Variants in CYBB observed in about 807,000 individuals in gnomAD.
CYBB encodes the protein NADPH oxidase 2.
A neutral mutation model predicts 46.5 loss-of-function variants in CYBB; 5 were observed. The ratio of observed to expected loss-of-function variants is 0.11; its 90% confidence interval spans 0.06 to 0.23. The LOEUF is 0.23. Ranked by LOEUF, CYBB falls within the 10% of genes least tolerant of loss-of-function variation. The pLI, the probability that CYBB is intolerant of heterozygous loss-of-function variation, is 1.00. For missense variants in CYBB, 307 were observed against 428.3 expected (o/e 0.72, Z 2.50); for synonymous variants, 183 against 156.7 (o/e 1.17, Z -1.26).
intron 5 of CYBB, among the ~76,000 whole-genome samples, chrX:37,794,646 T>G (rs1929263925): frequency 9.0e-6 from 1 of 111,242 alleles, no homozygotes; most frequent in East Asian, 2.8e-4. Flanking sequence ...GAGAAGCACA[T>G]GTGCACTGGG....
At chrX:37,793,897 CAAAA>C in intron 5 of CYBB, 87 bp downstream of exon 5, 6 of 738,713 alleles carry the variant, frequency 8.1e-6, no homozygotes, top group Admixed American at 3.0e-5. Flanking sequence ...TCTCCTTTGC[CAAAA>C]AAAAAAAAAG....
intron 3 of CYBB, among the ~76,000 whole-genome samples, chrX:37,790,120 G>A (rs1929165287): frequency 8.9e-6 from 1 of 111,904 alleles, no homozygotes; most frequent in Admixed American, 9.5e-5. Context: ...AACAAACAAA[G>A]TAAATGAATA....
chrX:37,792,167 T>G, intron 4 of CYBB, 108 bp downstream of exon 4: 1 of 536,945 alleles, frequency 1.9e-6, no homozygotes, highest in Non-Finnish European at 3.3e-6. Context: ...GGTGGTTGGA[T>G]ATGTTGTATT....
In CYBB at chrX:37,805,012, G is replaced by A. The variant is rs374511592; in HGVS notation, c.1158G>A (p.Ala386=). The A allele has an allele frequency of 6.9e-5, 83 of 1,209,986 alleles. No homozygotes were observed. Among genetic ancestry groups the A allele is most frequent in the South Asian group, 8.8e-5 (5 of 56,910 alleles). The change falls in exon 10 of 13, where the codon GCG becomes GCA. Residue 386 remains alanine, a synonymous_variant. Transcript: ENST00000378588. ...FQDAWKLPKI[A]VDGPFGTASE... ...CCTCCCCATTTCCCTTCAGGATAGC[G>A]GTTGATGGGCCCTTTGGCACTGCCA...
At chrX:37,804,343 A>G (rs997687937) in intron 9 of CYBB, among the ~76,000 whole-genome samples, 3 of 111,978 alleles carry the variant, frequency 2.7e-5, no homozygotes, top group African/African-American at 9.7e-5. Flanking sequence ...TGAATCAAAT[A>G]TTAGAAATAA....
At position 37,791,898 on chromosome X, in the gene CYBB, T is replaced by C. The variant is rs782011004; in HGVS notation, c.253-77T>C. ...TGGTCATGAAAATTAAATGAGATAATATGTATCAAATGTTTGACACATAGC... is the reference window on the plus strand; with the variant it reads ...TGGTCATGAAAATTAAATGAGATAACATGTATCAAATGTTTGACACATAGC... On this transcript the variant is annotated intron_variant, in intron 3 of 12. Transcript: ENST00000378588. The C allele has an allele frequency of 8.3e-6, 6 of 721,855 alleles. No individual in the cohort carries two copies. In the Admixed American group the frequency reaches 9.0e-5, roughly 11 times the overall value. 59.5% of individuals were successfully genotyped at this position (721,855 alleles called of 1,213,427 possible).
intron 2 of CYBB, among the ~76,000 whole-genome samples, chrX:37,782,760 A>G (rs1407473839): frequency 1.8e-5 from 2 of 111,496 alleles, no homozygotes; most frequent in Non-Finnish European, 1.9e-5. Context: ...TTGCCTCCAG[A>G]AGACATCTGT....
Position 37,798,886 on chromosome X carries a change from G to A in CYBB, c.675-69G>A, listed in dbSNP as rs1929372076. 6.6e-6 allele frequency: 7 copies of A among 1,066,633 alleles called. No individual in the cohort carries two copies. The Admixed American group carries it at 1.8e-4, about 27-fold the overall frequency. 87.9% of individuals were successfully genotyped at this position (1,066,633 alleles called of 1,213,427 possible). A position where few individuals can be genotyped will look rare whatever the true frequency, so the allele number is the denominator to read the frequency against. Reference sequence around the variant, plus strand: ...CTACATCAGAGCACTTAAAATATATGCAGAATCTTTTAATAAAACAATTTA... The same window carrying A: ...CTACATCAGAGCACTTAAAATATATACAGAATCTTTTAATAAAACAATTTA... On this transcript the variant is annotated intron_variant, in intron 6 of 12. Transcript: ENST00000378588.
chrX:37,798,333 T>A, intron 6 of CYBB: 1 of 116,948 alleles, frequency 8.6e-6, no homozygotes, highest in East Asian at 2.6e-4. Flanking sequence ...ACACTATTAG[T>A]GTTGATGTCT....
chrX:37,809,764 A>G, intron 12 of CYBB, 73 bp downstream of exon 12: 1 of 1,082,885 alleles, frequency 9.2e-7, no homozygotes, highest in South Asian at 2.0e-5. Context: ...ACATATCTAA[A>G]CTTATATATT....
intron 6 of CYBB, among the ~76,000 whole-genome samples, chrX:37,796,610 G>T (rs1286561508): frequency 8.9e-6 from 1 of 111,807 alleles, no homozygotes; most frequent in Non-Finnish European, 1.9e-5. Context: ...CCTATCTCAG[G>T]CACTGCAGGA....
intron 11 of CYBB, among the ~76,000 whole-genome samples, chrX:37,807,514 G>C (rs1318736000): frequency 9.1e-6 from 1 of 109,494 alleles, no homozygotes; most frequent in East Asian, 2.8e-4. Flanking sequence ...ATTTTATCAT[G>C]TCACCAACCC....
Position 37,804,046 on chromosome X carries a change from G to T in CYBB, c.1067G>T (p.Arg356Leu), listed in dbSNP as rs151344471. ...GAAGACTTCTTTAGTATCCATATCC[G>T]CATCGTTGGGGACTGGACAGAGGGG... The part of the protein sequence containing the change: ...PEEDFFSIHI[R>L]IVGDWTEGLF... The change falls in exon 9 of 13, where the codon CGC (arginine) becomes CTC (leucine). Residue 356 changes from arginine (R) to leucine (L), a missense_variant. This residue lies in a region of CYBB where 122 missense variants were observed against 208.3 expected (regional missense o/e 0.59). Transcript: ENST00000378588. 8.3e-7 allele frequency: 1 copy of T among 1,208,782 alleles called. No individual in the cohort carries two copies. Among genetic ancestry groups the T allele is most frequent in the Non-Finnish European group, 1.1e-6 (1 of 894,518 alleles).
intron 12 of CYBB, among the ~76,000 whole-genome samples, chrX:37,810,222 C>A (rs782125714): frequency 8.9e-6 from 1 of 111,744 alleles, no homozygotes; most frequent in East Asian, 2.8e-4. Flanking sequence ...ATACGTGTAC[C>A]CTTCAGACTA....
Position 37,803,914 on chromosome X carries a change from T to C in CYBB, c.935T>C (p.Met312Thr). 8.3e-7 allele frequency: 1 copy of C among 1,210,600 alleles called. No homozygotes were observed. Among genetic ancestry groups the C allele is most frequent in the Non-Finnish European group, 1.1e-6 (1 of 894,573 alleles). Residue 312 changes from methionine (M) to threonine (T), a missense_variant, in exon 9 of 13, where the codon ATG (methionine) becomes ACG (threonine). By Grantham distance (81) the Met-to-Thr change is moderately conservative. Coordinates refer to ENST00000378588, the MANE Select transcript of CYBB (RefSeq NM_000397.4). ...THPFKTIELQ[M>T]KKKGFKMEVG... Reference sequence around the variant, plus strand: ...CCTTTCAAAACCATCGAGCTACAGATGAAGAAGAAGGGGTTCAAAATGGAA... The same window carrying C: ...CCTTTCAAAACCATCGAGCTACAGACGAAGAAGAAGGGGTTCAAAATGGAA...
At chrX:37,792,580 A>T (rs1157984569) in intron 4 of CYBB, among the ~76,000 whole-genome samples, 3 of 110,805 alleles carry the variant, frequency 2.7e-5, no homozygotes, top group Admixed American at 9.6e-5. Context: ...TATAGATATT[A>T]TATGTTATTA....
chrX:37,810,210 C>A (rs1361012955), intron 12 of CYBB, among the ~76,000 whole-genome samples: 2 of 111,808 alleles, frequency 1.8e-5, no homozygotes, highest in Admixed American at 1.9e-4. Context: ...CAAGAGATCA[C>A]CATACGTGTA....
intron 6 of CYBB, 94 bp downstream of exon 6, chrX:37,796,235 G>T: frequency 1.3e-6 from 1 of 763,644 alleles, no homozygotes; most frequent in Non-Finnish European, 2.0e-6. Flanking sequence ...TTGCCTGTGT[G>T]TGGTTAGCCT....
chrX:37,790,293 T>G (rs2146808384), intron 3 of CYBB, among the ~76,000 whole-genome samples: 1 of 111,588 alleles, frequency 9.0e-6, no homozygotes. Flanking sequence ...ACCTTCCGGA[T>G]AGAATACTTA....
Sources: gnomAD v4.1 joint callset for allele counts (sites outside exome capture counted in the v4.1 genomes callset) on GRCh38, gnomAD v4.1.1 for gene constraint, gnomAD v4.1.1 regional missense constraint, MANE v1.5 for transcripts, NCBI Gene and HGNC (gene_info 2026-07-23, HGNC 2026-07-21) for gene names.